The following EYA4 variants were observed in gnomAD, a reference collection of about 807,000 sequenced individuals.
EYA4 encodes protein phosphatase EYA4.
In EYA4, 31 loss-of-function variants were observed where a neutral mutation model predicts 87.9. The ratio of observed to expected loss-of-function variants is 0.35; its 90% CI spans 0.27 to 0.48. The LOEUF is 0.48. Among genes scored for constraint, EYA4 ranks in the 20% least tolerant of loss-of-function variants. EYA4 has a pLI of 0.99. For missense variants in EYA4, 678 were observed against 761.4 expected (o/e 0.89, Z 1.29); for synonymous variants, 263 against 270.6 (o/e 0.97, Z 0.28).
At position 133,411,738 on chromosome 6, in the gene EYA4, A is replaced by G. The variant is rs533299727; in HGVS notation, c.83+29297A>G. 3.3e-5 allele frequency among the ~76,000 whole-genome samples: 5 copies of G among 152,222 alleles called. No homozygotes were observed. In the South Asian group the frequency reaches 1.0e-3, roughly 32 times the overall value. Reference sequence around the variant, plus strand: ...AATTTATGTATGTAATCATTTTCTTATTTGGGGATATTTCTGTTCCTTTCA... The same window carrying G: ...AATTTATGTATGTAATCATTTTCTTGTTTGGGGATATTTCTGTTCCTTTCA... On this transcript the variant is annotated intron_variant, in intron 3 of 19. Coordinates refer to ENST00000355286, the MANE Select transcript of EYA4 (RefSeq NM_004100.5).
intron 11 of EYA4, among the ~76,000 whole-genome samples, chr6:133,475,128 T>G (rs1583389429): frequency 6.6e-6 from 1 of 152,120 alleles, no homozygotes; most frequent in Non-Finnish European, 1.5e-5. Context: ...GCAAATAGCA[T>G]TCCATTATTT....
intron 2 of EYA4, among the ~76,000 whole-genome samples, chr6:133,295,261 G>A (rs1259233530): frequency 6.6e-6 from 1 of 152,120 alleles, no homozygotes; most frequent in East Asian, 1.9e-4. Context: ...CCCCTAGAGT[G>A]GTGATAAGTG....
At chr6:133,527,141 T>C (rs1800703060) in intron 19 of EYA4, among the ~76,000 whole-genome samples, 1 of 152,192 alleles carries the variant, frequency 6.6e-6, no homozygotes, top group African/African-American at 2.4e-5. Flanking sequence ...TTGGTGATGG[T>C]GAAGGCTTAT....
chr6:133,506,836 T>C (rs1798674724), intron 14 of EYA4, among the ~76,000 whole-genome samples: 1 of 152,130 alleles, frequency 6.6e-6, no homozygotes, highest in Non-Finnish European at 1.5e-5. Flanking sequence ...CTCAGAGTAG[T>C]TGAATGTGTA....
chr6:133,485,557 G>A (rs562330901), intron 13 of EYA4, among the ~76,000 whole-genome samples: 2 of 152,310 alleles, frequency 1.3e-5, no homozygotes, highest in South Asian at 4.1e-4. Context: ...TGTTCTTTCT[G>A]CCATAGCACA....
In EYA4 at chr6:133,515,366, C is replaced by T. The variant is rs2128790097; in HGVS notation, c.1547C>T (p.Ala516Val). The T allele has an allele frequency of 2.5e-6, 4 of 1,613,742 alleles. No individual in the cohort carries two copies. In the South Asian group the frequency reaches 4.4e-5, roughly 18 times the overall value. Residue 516 changes from alanine (A) to valine (V), a missense_variant, in exon 17 of 20, where the codon GCA becomes GTA. Transcript: ENST00000355286. ...AGGGATGCCTGGCTACAGTTAAGGG[C>T]AGAGATTGAAGGTCTGACAGATTCC... ...AKRDAWLQLR[A>V]EIEGLTDSWL...
chr6:133,369,456 C>T lies in EYA4; in HGVS notation c.34-12936C>T, dbSNP rs1026148699. On this transcript the variant is annotated intron_variant, in intron 2 of 19. Coordinates refer to ENST00000355286, the MANE Select transcript of EYA4 (RefSeq NM_004100.5). ...GCATTTATAATTGTGTTCATCCCTT[C>T]AGTCTACCTCAGATGAAAATATATA... Among the ~76,000 whole-genome samples the T allele has an allele frequency of 2.6e-5, 4 of 152,156 alleles. No individual in the cohort carries two copies. The East Asian group carries it at 7.7e-4, about 29-fold the overall frequency.
At chr6:133,365,689 G>A (rs1282334843) in intron 2 of EYA4, among the ~76,000 whole-genome samples, 2 of 152,138 alleles carry the variant, frequency 1.3e-5, no homozygotes, top group East Asian at 1.9e-4. Flanking sequence ...GCTAGTTTGA[G>A]TAATTTCAGT....
In EYA4 at chr6:133,326,749, T is replaced by C. The variant is rs111264720; in HGVS notation, c.33+51936T>C. The stretch of plus-strand genomic sequence containing the variant: ...AGTCCTGGATTCCCTTCCTCATCCC[T>C]TCACCGTGACTGAAGTGCTGCTCTT... On this transcript the variant is annotated intron_variant, in intron 2 of 19. Coordinates refer to ENST00000355286, the MANE Select transcript of EYA4 (RefSeq NM_004100.5). Among the ~76,000 whole-genome samples, 87 of 152,348 alleles carry C rather than the reference T, an allele frequency of 5.7e-4. No homozygotes were observed. The Middle Eastern group carries it at 0.014, about 24-fold the overall frequency.
At chr6:133,402,721 TAC>T (rs66487611) in intron 3 of EYA4, among the ~76,000 whole-genome samples, 33 of 147,882 alleles carry the variant, frequency 2.2e-4, no homozygotes, top group African/African-American at 3.7e-4. Flanking sequence ...TGAAATGTGA[TAC>T]ACACACACAC....
intron 14 of EYA4, chr6:133,511,684 A>C (rs1348414934): frequency 6.6e-6 from 1 of 152,122 alleles, no homozygotes; most frequent in Non-Finnish European, 1.5e-5. Context: ...CAATCAGGTC[A>C]ACTGTGGCCG....
rs1167923997 is a variant in EYA4 at position 133,532,065 on chromosome 6, T to C, written c.*3260T>C. ...TTAATATTAAAAGCTTGTAAAAATA[T>C]GTATATCTTTACTATTTCTCAATAA... On this transcript the variant is annotated 3_prime_UTR_variant, in exon 20 of 20. Coordinates refer to ENST00000355286, the MANE Select transcript of EYA4 (RefSeq NM_004100.5). The C allele has an allele frequency of 6.6e-6, 1 of 152,214 alleles. No homozygotes were observed. Among genetic ancestry groups the C allele is most frequent in the East Asian group, 1.9e-4 (1 of 5,192 alleles). 9.4% of individuals were successfully genotyped at this position (152,214 alleles called of 1,614,324 possible).
At chr6:133,462,121 G>A (rs918540806) in intron 7 of EYA4, 7 of 604,348 alleles carry the variant, frequency 1.2e-5, no homozygotes, top group South Asian at 3.8e-5. Flanking sequence ...ATAGACATAG[G>A]GAGTTTAAAT....
intron 2 of EYA4, among the ~76,000 whole-genome samples, chr6:133,344,480 A>T (rs751423036): frequency 1.2e-4 from 18 of 152,116 alleles, no homozygotes; most frequent in Non-Finnish European, 2.6e-4. Context: ...TTTTAATCTT[A>T]TCTGGTTGGT....
At chr6:133,273,841 G>C (rs1008281674) in intron 1 of EYA4, among the ~76,000 whole-genome samples, 9 of 152,058 alleles carry the variant, frequency 5.9e-5, no homozygotes, top group Non-Finnish European at 8.8e-5. Context: ...TCAGCCCATT[G>C]TGTTTGGTAT....
Position 133,462,405 on chromosome 6 carries a change from T to C in EYA4, c.508T>C (p.Ser170Pro), listed in dbSNP as rs779439055. Residue 170 changes from serine to proline, a missense_variant, in exon 8 of 20, where the codon TCG (serine) becomes CCG (proline). Coordinates refer to ENST00000355286, the MANE Select transcript of EYA4 (RefSeq NM_004100.5). Reference protein sequence around the residue: ...MSAYAGQTQYSGMQQPAVYTA... With the variant: ...MSAYAGQTQYPGMQQPAVYTA... ...TGCCTATGCAGGCCAGACTCAGTATTCGGGGATGCAGCAGCCAGCCGTCTA... is the reference window on the plus strand; with the variant it reads ...TGCCTATGCAGGCCAGACTCAGTATCCGGGGATGCAGCAGCCAGCCGTCTA... 2 of 1,614,036 alleles carry C rather than the reference T, an allele frequency of 1.2e-6. No individual in the cohort carries two copies. Among genetic ancestry groups the C allele is most frequent in the Non-Finnish European group, 1.7e-6 (2 of 1,179,950 alleles).
intron 2 of EYA4, among the ~76,000 whole-genome samples, chr6:133,310,972 C>G (rs1309571544): frequency 6.6e-6 from 1 of 152,170 alleles, no homozygotes; most frequent in Admixed American, 6.5e-5. Context: ...TCCTGTAACT[C>G]TCATAAGAGC....
chr6:133,425,516 T>G (rs1790592780), intron 3 of EYA4, among the ~76,000 whole-genome samples: 1 of 150,672 alleles, frequency 6.6e-6, no homozygotes, highest in Non-Finnish European at 1.5e-5. Flanking sequence ...AAATCACTCA[T>G]CTTTCACTGA....
At chr6:133,385,025 C>T (rs867732424) in intron 3 of EYA4, among the ~76,000 whole-genome samples, 18 of 151,976 alleles carry the variant, frequency 1.2e-4, no homozygotes, top group Middle Eastern at 6.8e-3. Context: ...CAGGGGCTGA[C>T]GCAGTGGCTC....
Sources: gnomAD v4.1 joint callset for allele counts (sites outside exome capture counted in the v4.1 genomes callset) on GRCh38, gnomAD v4.1.1 for gene constraint, MANE v1.5 for transcripts, NCBI Gene and HGNC (gene_info 2026-07-23, HGNC 2026-07-21) for gene names.